Variants in SLC9C1 observed in about 807,000 individuals in gnomAD.
SLC9C1 encodes sodium/hydrogen exchanger 10.
SLC9C1 carries 97 observed loss-of-function variants against 140.9 expected under a neutral mutation model. The observed-to-expected ratio is 0.69, with a 90% CI of 0.58 to 0.82. The LOEUF (loss-of-function observed/expected upper bound fraction) is 0.82. Ranked by LOEUF, SLC9C1 falls within the 40% of genes least tolerant of loss-of-function variation. SLC9C1 has a pLI of 0.00. For synonymous variants in SLC9C1, 440 were observed against 442.6 expected (o/e 0.99, Z 0.07); for missense variants, 1,340 against 1,389.3 (o/e 0.96, Z 0.56).
At chr3:112,165,881 A>G (rs965468009) in intron 26 of SLC9C1, among the ~76,000 whole-genome samples, 2 of 152,224 alleles carry the variant, frequency 1.3e-5, no homozygotes, top group African/African-American at 4.8e-5. Flanking sequence ...GCATCTGCAG[A>G]AGCAGGCAGG....
intron 15 of SLC9C1, 111 bp downstream of exon 15, chr3:112,217,331 C>G: frequency 7.7e-7 from 1 of 1,294,454 alleles, no homozygotes; most frequent in South Asian, 1.7e-5. Flanking sequence ...GCACATGTAC[C>G]CTAGCACTTA....
intron 17 of SLC9C1, among the ~76,000 whole-genome samples, chr3:112,202,836 C>T (rs1412624474): frequency 6.6e-6 from 1 of 151,838 alleles, no homozygotes; most frequent in Non-Finnish European, 1.5e-5. Context: ...CCTGTTAGAC[C>T]CCAAAATTAA....
chr3:112,244,168 A>G (rs1442218543), intron 10 of SLC9C1, 92 bp from the exon 11 acceptor site: 1 of 776,754 alleles, frequency 1.3e-6, no homozygotes, highest in Non-Finnish European at 1.9e-6. Context: ...ATTTTCCAAT[A>G]TAAATTAAGC....
rs774496600 is a variant in SLC9C1 at position 112,180,598 on chromosome 3, T to G, written c.2714A>C (p.Lys905Thr). The G allele has an allele frequency of 6.2e-7, 1 of 1,613,280 alleles. No individual in the cohort carries two copies. The highest frequency in any genetic ancestry group is 8.5e-7 in the Non-Finnish European group (1 of 1,179,760). Reference sequence around the variant, plus strand: ...GCCTGAAATAATGATATAGATTCCTTTGGGCTCATCACCTTCTTCAAATAT... The same window carrying G: ...GCCTGAAATAATGATATAGATTCCTGTGGGCTCATCACCTTCTTCAAATAT... ...NDIFEEGDEP[K>T]GIYIIISGMV... is the part of the protein sequence containing the mutation. The change falls in exon 22 of 29, where the codon AAA (lysine) becomes ACA (threonine). Residue 905 changes from lysine (K) to threonine (T), a missense_variant. Transcript: ENST00000305815.
chr3:112,234,297 T>G (rs2108187449), intron 12 of SLC9C1, among the ~76,000 whole-genome samples: 1 of 152,346 alleles, frequency 6.6e-6, no homozygotes, highest in Admixed American at 6.5e-5. Flanking sequence ...GAAGTGTCTG[T>G]TCATATCATT....
chr3:112,275,546 C>T (rs1258539501), intron 5 of SLC9C1, among the ~76,000 whole-genome samples: 1 of 150,940 alleles, frequency 6.6e-6, no homozygotes, highest in Non-Finnish European at 1.5e-5. Context: ...AAATTTTCCT[C>T]TATTTATGAT....
At chr3:112,266,934 ATTGTC>A (rs1482278089) in intron 7 of SLC9C1, among the ~76,000 whole-genome samples, 1 of 152,184 alleles carries the variant, frequency 6.6e-6, no homozygotes, top group Non-Finnish European at 1.5e-5. Context: ...ACTTAAAAAA[ATTGTC>A]TTGTCTATTC....
intron 20 of SLC9C1, chr3:112,185,656 G>A (rs2077521761): frequency 6.4e-7 from 1 of 1,559,510 alleles, no homozygotes; most frequent in Non-Finnish European, 8.7e-7. Context: ...TGGCGGTCCA[G>A]TGAGTGGGGG....
chr3:112,215,011 A>G lies in SLC9C1; in HGVS notation c.1790+2431T>C, dbSNP rs562333858. Among the ~76,000 whole-genome samples, 39 of 152,344 alleles carry G rather than the reference A, an allele frequency of 2.6e-4. No individual in the cohort carries two copies. The South Asian group carries it at 7.5e-3, about 29-fold the overall frequency. ...CAGCACATCAAAAAGCTTATCTACT[A>G]TGATCAAGTGGGCTTCATCCCTGGG... On this transcript the variant is annotated intron_variant, in intron 15 of 28. Coordinates refer to ENST00000305815, the MANE Select transcript of SLC9C1 (RefSeq NM_183061.3).
chr3:112,253,707 A>G (rs2079527194), intron 10 of SLC9C1, among the ~76,000 whole-genome samples: 1 of 152,182 alleles, frequency 6.6e-6, no homozygotes, highest in Non-Finnish European at 1.5e-5. Context: ...TGTCAACTCA[A>G]ATGGCCAGAG....
chr3:112,196,393 T>A (rs1240300880), intron 20 of SLC9C1, among the ~76,000 whole-genome samples: 3 of 152,062 alleles, frequency 2.0e-5, no homozygotes, highest in Admixed American at 1.3e-4. Context: ...CTACTTGGAA[T>A]TTGTTGAGAT....
chr3:112,180,709 G>C, intron 21 of SLC9C1, 47 bp from the exon 22 acceptor site: 1 of 1,476,018 alleles, frequency 6.8e-7, no homozygotes. Flanking sequence ...CATTTTAGAA[G>C]TGGTTGGGAA....
Position 112,202,298 on chromosome 3 carries a change from G to A in SLC9C1, c.2274C>T (p.Asp758=). Residue 758 remains aspartate, a synonymous_variant, in exon 18 of 29, where the codon GAC becomes GAT. Coordinates refer to ENST00000305815, the MANE Select transcript of SLC9C1 (RefSeq NM_183061.3). The part of the protein sequence containing the change: ...ILKGYVQGEA[D]IMTIIDQITS... ...TAATCTGATCAATTATGGTCATTATGTCTGCTTCGCCTTGGACATAGCCTT... is the reference window on the plus strand; with the variant it reads ...TAATCTGATCAATTATGGTCATTATATCTGCTTCGCCTTGGACATAGCCTT... 9 of 1,611,484 alleles carry A rather than the reference G, an allele frequency of 5.6e-6. No individual in the cohort carries two copies. Among genetic ancestry groups the A allele is most frequent in the Non-Finnish European group, 7.6e-6 (9 of 1,178,918 alleles).
rs1560099539 is a variant in SLC9C1 at position 112,231,358 on chromosome 3, T to G, written c.1572+3A>C. On this transcript the variant is annotated splice_donor_region_variant and intron_variant, in intron 13 of 28. Transcript: ENST00000305815. ...ATAATTTCAAAAGAGAATAATACAGTACTATTTGTGCTGACAAGAGACGCC... is the reference window on the plus strand; with the variant it reads ...ATAATTTCAAAAGAGAATAATACAGGACTATTTGTGCTGACAAGAGACGCC... The G allele has an allele frequency of 6.2e-7, 1 of 1,612,982 alleles. No homozygotes were observed. The highest frequency in any genetic ancestry group is 1.7e-5 in the Admixed American group (1 of 59,784).
chr3:112,261,228 A>G (rs2079762631), intron 10 of SLC9C1, among the ~76,000 whole-genome samples: 1 of 152,092 alleles, frequency 6.6e-6, no homozygotes, highest in African/African-American at 2.4e-5. Flanking sequence ...GATATCCACT[A>G]TTCATCATAG....
In SLC9C1 at chr3:112,169,370, C is replaced by G. The variant is rs1343313293; in HGVS notation, c.2920-42G>C. ...TAAATTTGATATTTTATTTTGTGCACTATGGTTTAAGGAATAAAGTTTTTT... is the reference window on the plus strand; with the variant it reads ...TAAATTTGATATTTTATTTTGTGCAGTATGGTTTAAGGAATAAAGTTTTTT... On this transcript the variant is annotated intron_variant, in intron 23 of 28. Transcript: ENST00000305815. 3.8e-6 allele frequency: 6 copies of G among 1,578,680 alleles called. No homozygotes were observed. The East Asian group carries it at 9.0e-5, about 24-fold the overall frequency.
intron 3 of SLC9C1, among the ~76,000 whole-genome samples, chr3:112,279,857 C>T (rs910955933): frequency 2.0e-5 from 3 of 152,156 alleles, no homozygotes; most frequent in Non-Finnish European, 4.4e-5. Context: ...GTCCAGGAGT[C>T]CCATCTCTTT....
intron 12 of SLC9C1, among the ~76,000 whole-genome samples, chr3:112,232,710 A>G (rs947210823): frequency 2.6e-5 from 4 of 152,124 alleles, no homozygotes; most frequent in Non-Finnish European, 5.9e-5. Context: ...GGACACGGAA[A>G]AGTGCAGCAG....
intron 2 of SLC9C1, among the ~76,000 whole-genome samples, chr3:112,281,265 G>A (rs1002514934): frequency 1.3e-5 from 2 of 152,142 alleles, no homozygotes; most frequent in Non-Finnish European, 2.9e-5. Flanking sequence ...GGCACAATCC[G>A]ACACCATCGC....
Sources: allele counts gnomAD v4.1 joint callset (sites outside exome capture counted in the v4.1 genomes callset), GRCh38; gene constraint gnomAD v4.1.1; transcripts MANE v1.5; gene names NCBI Gene and HGNC (gene_info 2026-07-23, HGNC 2026-07-21).